The following C1orf87 variants were observed in gnomAD, a reference collection of about 807,000 sequenced individuals.
The protein encoded by C1orf87 is uncharacterized protein C1orf87.
C1orf87 carries 58 observed loss-of-function variants against 60.5 expected under a neutral mutation model. The ratio of observed to expected loss-of-function variants is 0.96; its 90% confidence interval spans 0.78 to 1.19. The LOEUF (loss-of-function observed/expected upper bound fraction) is 1.19. Among genes scored for constraint, C1orf87 ranks in the 50% most tolerant of loss-of-function variants. C1orf87 has a pLI of 0.00. For synonymous variants in C1orf87, 236 were observed against 227.4 expected, an observed-to-expected ratio of 1.04 and a Z score of -0.34; for missense variants, 673 against 638.6, an observed-to-expected ratio of 1.05 and a Z score of -0.58.
chr1:60,058,389 A>C (rs1470149916), intron 2 of C1orf87, among the ~76,000 whole-genome samples: 1 of 152,188 alleles, frequency 6.6e-6, no homozygotes, highest in Non-Finnish European at 1.5e-5. Flanking sequence ...TAAAGTATTA[A>C]ATTGGTATAA....
At chr1:60,069,853 T>G (rs1387703935) in intron 2 of C1orf87, among the ~76,000 whole-genome samples, 1 of 152,182 alleles carries the variant, frequency 6.6e-6, no homozygotes, top group Non-Finnish European at 1.5e-5. Flanking sequence ...ATTACAGATG[T>G]AATGAGCTGA....
At chr1:60,008,697 T>C in intron 9 of C1orf87, 1 of 456,404 alleles carries the variant, frequency 2.2e-6, no homozygotes, top group Non-Finnish European at 4.4e-6. Flanking sequence ...TTCTCAGCCC[T>C]AGCCACGTGT....
chr1:60,038,701 A>C (rs1465285219), intron 5 of C1orf87, among the ~76,000 whole-genome samples: 1 of 152,164 alleles, frequency 6.6e-6, no homozygotes, highest in Non-Finnish European at 1.5e-5. Context: ...TATTCAGCAG[A>C]TATATTTAGA....
At chr1:60,061,834 C>T (rs1043157285) in intron 2 of C1orf87, among the ~76,000 whole-genome samples, 21 of 145,848 alleles carry the variant, frequency 1.4e-4, no homozygotes, top group Non-Finnish European at 2.8e-4. Flanking sequence ...ACCTGTAGTT[C>T]CAGCTACTTG....
chr1:60,038,386 G>A (rs1645294191), intron 5 of C1orf87, among the ~76,000 whole-genome samples: 1 of 152,048 alleles, frequency 6.6e-6, no homozygotes, highest in South Asian at 2.1e-4. Context: ...GACCCTGTGA[G>A]CTAACATGAG....
At position 60,055,252 on chromosome 1, in the gene C1orf87, G is replaced by A. The variant is rs760547532; in HGVS notation, c.294C>T (p.Asn98=). 2 of 1,613,964 alleles carry A rather than the reference G, an allele frequency of 1.2e-6. No individual in the cohort carries two copies. The highest frequency in any genetic ancestry group is 2.7e-5 in the African/African-American group (2 of 74,882). ...HPENNQKSEN[N]QKLLTGANSS... ...TGTTTGCCCCTGTTAGTAGTTTCTGGTTGTTTTCTGATTTCTGGTTGTTCT... is the reference window on the plus strand; with the variant it reads ...TGTTTGCCCCTGTTAGTAGTTTCTGATTGTTTTCTGATTTCTGGTTGTTCT... The change falls in exon 3 of 12, where the codon AAC becomes AAT. Residue 98 remains asparagine (N), a synonymous_variant. Transcript: ENST00000371201.
intron 8 of C1orf87, among the ~76,000 whole-genome samples, chr1:60,015,269 T>C (rs1271994551): frequency 6.6e-6 from 1 of 152,024 alleles, no homozygotes; most frequent in Non-Finnish European, 1.5e-5. Flanking sequence ...GCTTTCACCA[T>C]AGGAGGTCAC....
chr1:60,028,613 G>C (rs926075794), intron 7 of C1orf87, among the ~76,000 whole-genome samples: 1 of 151,970 alleles, frequency 6.6e-6, no homozygotes, highest in Non-Finnish European at 1.5e-5. Context: ...TCCCCAAAAT[G>C]CTCCTTGAAA....
In C1orf87 at chr1:59,990,648, C is replaced by T; in HGVS notation, c.*25G>A. 3.1e-6 allele frequency: 5 copies of T among 1,610,898 alleles called. No individual in the cohort carries two copies. Among genetic ancestry groups the T allele is most frequent in the Non-Finnish European group, 4.2e-6 (5 of 1,177,898 alleles). On this transcript the variant is annotated 3_prime_UTR_variant, in exon 12 of 12. Transcript: ENST00000371201. Reference sequence around the variant, plus strand: ...GTAAAAAGGGAGATAAGGGAAACATCTGTTCTCACAATATGGGCTTGTTAT... The same window carrying T: ...GTAAAAAGGGAGATAAGGGAAACATTTGTTCTCACAATATGGGCTTGTTAT...
At chr1:60,020,571 T>C (rs1270987021) in intron 8 of C1orf87, among the ~76,000 whole-genome samples, 2 of 152,210 alleles carry the variant, frequency 1.3e-5, no homozygotes, top group Non-Finnish European at 2.9e-5. Context: ...TGCTGGGTTT[T>C]GGACTTGCAT....
intron 3 of C1orf87, among the ~76,000 whole-genome samples, chr1:60,046,386 C>G (rs1645370822): frequency 8.4e-6 from 1 of 119,476 alleles, no homozygotes; most frequent in African/African-American, 3.1e-5. Context: ...TTCTTTCTTT[C>G]TTTCTCTCTC....
intron 5 of C1orf87, among the ~76,000 whole-genome samples, chr1:60,038,610 CCT>C (rs1201865500): frequency 2.0e-5 from 3 of 151,528 alleles, no homozygotes; most frequent in South Asian, 4.2e-4. Flanking sequence ...TAACCTCTAG[CCT>C]CTCTCTCTCT....
intron 2 of C1orf87, among the ~76,000 whole-genome samples, chr1:60,065,122 A>G (rs1645536724): frequency 8.5e-6 from 1 of 117,706 alleles, no homozygotes; most frequent in Non-Finnish European, 1.8e-5. Context: ...ACAATGAGGC[A>G]AGCATGAGGC....
intron 1 of C1orf87, among the ~76,000 whole-genome samples, chr1:60,073,296 A>C (rs1645596351): frequency 6.6e-6 from 1 of 152,202 alleles, no homozygotes; most frequent in Non-Finnish European, 1.5e-5. Flanking sequence ...CCAAGGGAAA[A>C]TCAGAAGTTC....
At chr1:60,006,997 G>A (rs1038485243) in intron 9 of C1orf87, among the ~76,000 whole-genome samples, 4 of 151,528 alleles carry the variant, frequency 2.6e-5, no homozygotes, top group Admixed American at 1.3e-4. Flanking sequence ...CTGCAGCCTC[G>A]ATCTCATGGG....
intron 3 of C1orf87, among the ~76,000 whole-genome samples, chr1:60,042,303 C>T (rs1013040672): frequency 6.6e-5 from 10 of 152,010 alleles, no homozygotes; most frequent in South Asian, 6.2e-4. Flanking sequence ...GGCAAGATCT[C>T]GGCTCACTGC....
intron 8 of C1orf87, among the ~76,000 whole-genome samples, chr1:60,024,080 T>G (rs1490671252): frequency 6.6e-6 from 1 of 152,188 alleles, no homozygotes; most frequent in Non-Finnish European, 1.5e-5. Context: ...CTAATTGTAT[T>G]ATCTGTGTTG....
chr1:60,063,688 G>A (rs1645512409), intron 2 of C1orf87, among the ~76,000 whole-genome samples: 1 of 152,124 alleles, frequency 6.6e-6, no homozygotes. Context: ...ATATTTACAT[G>A]ATTTACTTTC....
intron 3 of C1orf87, among the ~76,000 whole-genome samples, chr1:60,043,602 G>T (rs1048737831): frequency 5.3e-5 from 8 of 152,080 alleles, no homozygotes; most frequent in Non-Finnish European, 8.8e-5. Context: ...GGCCAGGATG[G>T]TCTCGATCTC....
Sources: gnomAD v4.1 joint callset for allele counts (sites outside exome capture counted in the v4.1 genomes callset) on GRCh38, gnomAD v4.1.1 for gene constraint, MANE v1.5 for transcripts, NCBI Gene and HGNC (gene_info 2026-07-23, HGNC 2026-07-21) for gene names.